NALF1: variants seen among roughly 807,000 people sequenced by gnomAD.
NALF1 encodes family with sequence similarity 155 member A.
NALF1 carries 3 observed loss-of-function variants against 48.4 expected under a neutral mutation model. The observed-to-expected ratio is 0.06, with a 90% CI of 0.03 to 0.16. The LOEUF (loss-of-function observed/expected upper bound fraction) is 0.16, where lower values mean the gene tolerates loss of function less well. NALF1 is among the 10% of genes least tolerant of loss of function. NALF1 has a pLI of 1.00. For missense variants in NALF1, 526 were observed against 571.5 expected, an observed-to-expected ratio of 0.92 and a Z score of 0.81; for synonymous variants, 262 against 245.7, an observed-to-expected ratio of 1.07 and a Z score of -0.62.
chr13:107,677,678 CAA>C (rs1021287662), intron 1 of NALF1, among the ~76,000 whole-genome samples: 1 of 152,008 alleles, frequency 6.6e-6, no homozygotes, highest in African/African-American at 2.4e-5. Flanking sequence ...AAATGAAAGA[CAA>C]AAAACATAAA....
chr13:107,861,510 C>A (rs534514023), intron 1 of NALF1, among the ~76,000 whole-genome samples: 1 of 152,172 alleles, frequency 6.6e-6, no homozygotes, highest in Non-Finnish European at 1.5e-5. Flanking sequence ...CTTGGCCAGG[C>A]GCTGTGGCTC....
chr13:107,337,258 T>G (rs1217327601), intron 1 of NALF1, among the ~76,000 whole-genome samples: 3 of 152,122 alleles, frequency 2.0e-5, no homozygotes, highest in African/African-American at 7.2e-5. Flanking sequence ...AATGCATAAT[T>G]CTGTTATTTC....
intron 1 of NALF1, among the ~76,000 whole-genome samples, chr13:107,688,198 G>C (rs942911209): frequency 3.3e-5 from 5 of 152,072 alleles, no homozygotes; most frequent in African/African-American, 1.2e-4. Context: ...TGCACTTTAT[G>C]GCTATGAAGG....
chr13:107,392,846 T>G (rs1883650384), intron 1 of NALF1, among the ~76,000 whole-genome samples: 1 of 152,062 alleles, frequency 6.6e-6, no homozygotes, highest in African/African-American at 2.4e-5. Flanking sequence ...AGTCTTAGTT[T>G]GGAAGGTGCC....
chr13:107,374,417 C>T (rs1000650222), intron 1 of NALF1, among the ~76,000 whole-genome samples: 5 of 152,136 alleles, frequency 3.3e-5, no homozygotes, highest in Admixed American at 2.0e-4. Context: ...ATAAGTAGAT[C>T]CTCTATCAAA....
chr13:107,544,967 A>G (rs1257365143), intron 1 of NALF1, among the ~76,000 whole-genome samples: 1 of 152,128 alleles, frequency 6.6e-6, no homozygotes, highest in African/African-American at 2.4e-5. Context: ...ATAAACATAC[A>G]GTGACACACT....
chr13:107,509,588 T>A (rs938097402), intron 1 of NALF1, among the ~76,000 whole-genome samples: 14 of 152,154 alleles, frequency 9.2e-5, no homozygotes, highest in African/African-American at 3.4e-4. Context: ...CCAGTTTTCT[T>A]TTCAAAATTT....
chr13:107,607,157 T>C (rs1879096228), intron 1 of NALF1, among the ~76,000 whole-genome samples: 1 of 152,196 alleles, frequency 6.6e-6, no homozygotes, highest in Non-Finnish European at 1.5e-5. Context: ...GCCCAAAATG[T>C]AGGAAACCTA....
At chr13:107,782,652 G>A (rs1429945190) in intron 1 of NALF1, among the ~76,000 whole-genome samples, 19 of 151,888 alleles carry the variant, frequency 1.3e-4, no homozygotes, top group Non-Finnish European at 8.8e-5. Context: ...AGTGAGGAGC[G>A]TCTCTGCCCG....
intron 2 of NALF1, among the ~76,000 whole-genome samples, chr13:107,192,356 TTACAGACTCCC>T (rs1357612553): frequency 1.1e-4 from 17 of 152,140 alleles, no homozygotes; most frequent in African/African-American, 3.9e-4. Context: ...TCTGGGCCGC[TTACAGACTCCC>T]TGGAGAGTAC....
In NALF1 at chr13:107,794,844, C is replaced by T. The variant is rs1878366364; in HGVS notation, c.915+70838G>A. ...TTGTACAATGTAGTCATGTCTAAAG[C>T]TATGTTTAAATTACACAAAATAATT... On this transcript the variant is annotated intron_variant, in intron 1 of 2. Coordinates refer to ENST00000375915, the MANE Select transcript of NALF1 (RefSeq NM_001080396.3). Among the ~76,000 whole-genome samples the T allele has an allele frequency of 1.3e-5, 2 of 152,014 alleles. 1 individual carries two copies. Among genetic ancestry groups the T allele is most frequent in the Admixed American group, 1.3e-4 (2 of 15,268 alleles).
rs150720268 is a variant in NALF1 at position 107,613,308 on chromosome 13, T to G, written c.915+252374A>C. Among the ~76,000 whole-genome samples the G allele has an allele frequency of 1.6e-3, 248 of 152,246 alleles. 2 individuals are homozygous for G. The highest frequency in any genetic ancestry group is 5.8e-3 in the African/African-American group (240 of 41,534). On this transcript the variant is annotated intron_variant, in intron 1 of 2. Coordinates refer to ENST00000375915, the MANE Select transcript of NALF1 (RefSeq NM_001080396.3). ...CATCTTTTCTTACTACTGAAAACATTACAAAAAAGAAACCTGAAAATTGGC... is the reference window on the plus strand; with the variant it reads ...CATCTTTTCTTACTACTGAAAACATGACAAAAAAGAAACCTGAAAATTGGC...
At chr13:107,817,879 C>T (rs1879217103) in intron 1 of NALF1, among the ~76,000 whole-genome samples, 1 of 152,088 alleles carries the variant, frequency 6.6e-6, no homozygotes, top group African/African-American at 2.4e-5. Context: ...GTAGCGCAGC[C>T]CAAAGGCTTT....
intron 1 of NALF1, among the ~76,000 whole-genome samples, chr13:107,477,209 A>T (rs1885187451): frequency 6.6e-6 from 1 of 152,134 alleles, no homozygotes; most frequent in Non-Finnish European, 1.5e-5. Context: ...ACCTGACTTT[A>T]CTATCTGTTT....
chr13:107,777,688 A>G (rs1395188950), intron 1 of NALF1, among the ~76,000 whole-genome samples: 1 of 152,156 alleles, frequency 6.6e-6, no homozygotes, highest in Non-Finnish European at 1.5e-5. Context: ...CAAAACAGTG[A>G]GCCAATTAAA....
chr13:107,394,004 T>C (rs1319345254), intron 1 of NALF1, among the ~76,000 whole-genome samples: 1 of 152,166 alleles, frequency 6.6e-6, no homozygotes, highest in African/African-American at 2.4e-5. Flanking sequence ...GCTGAGGAAG[T>C]AGTGTTAAAA....
chr13:107,707,519 C>T (rs2138516354), intron 1 of NALF1, among the ~76,000 whole-genome samples: 1 of 152,298 alleles, frequency 6.6e-6, no homozygotes, highest in East Asian at 1.9e-4. Context: ...ACAGCTAGGG[C>T]ACAGGCATGT....
chr13:107,661,338 C>T (rs747837475), intron 1 of NALF1, among the ~76,000 whole-genome samples: 22 of 152,142 alleles, frequency 1.4e-4, no homozygotes, highest in Non-Finnish European at 2.4e-4. Context: ...TCATATACTT[C>T]CAATTTAATC....
chr13:107,799,341 A>T (rs1878530712), intron 1 of NALF1, among the ~76,000 whole-genome samples: 1 of 152,216 alleles, frequency 6.6e-6, no homozygotes, highest in Non-Finnish European at 1.5e-5. Context: ...GATCCCTTGC[A>T]GGTACGGAGA....
Sources: allele counts gnomAD v4.1 joint callset (sites outside exome capture counted in the v4.1 genomes callset), GRCh38; gene constraint gnomAD v4.1.1; transcripts MANE v1.5; gene names NCBI Gene and HGNC (gene_info 2026-07-23, HGNC 2026-07-21).